Variants in TMEM43 observed in about 807,000 individuals in gnomAD.
TMEM43 encodes the protein transmembrane protein 43.
Under a neutral mutation model 49.6 loss-of-function variants are expected in TMEM43, and 45 were observed. That is an observed-to-expected ratio of 0.91 (90% CI 0.71 to 1.16). The LOEUF (loss-of-function observed/expected upper bound fraction) is 1.16, where lower values mean the gene tolerates loss of function less well. TMEM43 is among the 50% of genes most tolerant of loss of function. The pLI, the probability that TMEM43 is intolerant of heterozygous loss-of-function variation, is 0.00. For synonymous variants in TMEM43, 199 were observed against 207.8 expected, an observed-to-expected ratio of 0.96 and a Z score of 0.36; for missense variants, 532 against 516.6, an observed-to-expected ratio of 1.03 and a Z score of -0.29.
Position 14,130,824 on chromosome 3 carries a change from C to T in TMEM43, c.165C>T (p.Gly55=), listed in dbSNP as rs1435344075. ...LSFYLIFTNE[G]RALKTATSLA... Reference sequence around the variant, plus strand: ...TCCCCACTCCCCTTTGCTCCCAGGGCCGCGCATTGAAGACGGCAACCTCAT... The same window carrying T: ...TCCCCACTCCCCTTTGCTCCCAGGGTCGCGCATTGAAGACGGCAACCTCAT... The change falls in exon 3 of 12, where the codon GGC becomes GGT. Residue 55 remains glycine (G), a splice_region_variant and synonymous_variant. Transcript: ENST00000306077. The T allele has an allele frequency of 1.2e-6, 2 of 1,613,628 alleles. No individual in the cohort carries two copies. The highest frequency in any genetic ancestry group is 4.5e-5 in the East Asian group (2 of 44,892).
In TMEM43 at chr3:14,132,926, A is replaced by G. The variant is rs1242091748; in HGVS notation, c.503A>G (p.Lys168Arg). The change falls in exon 6 of 12, where the codon AAA becomes AGA. Residue 168 changes from lysine (K) to arginine (R), a missense_variant. Coordinates refer to ENST00000306077, the MANE Select transcript of TMEM43 (RefSeq NM_024334.3). ...SKNFDREIGH[K>R]NPSAMAVESF... ...AACTTCGACCGAGAGATTGGCCACA[A>G]AAACCCCAGGTGAGAGCCAGGCCCA... is the stretch of plus-strand genomic sequence containing the variant. 1.9e-6 allele frequency: 3 copies of G among 1,613,910 alleles called. No individual in the cohort carries two copies. The highest frequency in any genetic ancestry group is 2.5e-6 in the Non-Finnish European group (3 of 1,179,844).
Position 14,139,191 on chromosome 3 carries a change from T to C in TMEM43, c.894T>C (p.His298=), listed in dbSNP as rs188356526. 1.2e-6 allele frequency: 2 copies of C among 1,613,912 alleles called. No homozygotes were observed. Among genetic ancestry groups the C allele is most frequent in the African/African-American group, 1.3e-5 (1 of 75,040 alleles). The change falls in exon 11 of 12, where the codon CAT becomes CAC. Residue 298 remains histidine, a synonymous_variant. Coordinates refer to ENST00000306077, the MANE Select transcript of TMEM43 (RefSeq NM_024334.3). ...HGDFSAEEVF[H]RELRSNSMKT... Reference sequence around the variant, plus strand: ...ACCTTGTCCTGCAGGAGGTGTTTCATAGAGAACTAAGGAGCAACTCCATGA... The same window carrying C: ...ACCTTGTCCTGCAGGAGGTGTTTCACAGAGAACTAAGGAGCAACTCCATGA...
At chr3:14,134,743 G>C (rs1404991836) in intron 7 of TMEM43, 27 bp from the exon 8 acceptor site, 1 of 1,613,782 alleles carries the variant, frequency 6.2e-7, no homozygotes, top group East Asian at 2.2e-5. Context: ...TGGTCCCCTG[G>C]GTTTCTAACC....
rs1478260350 is a variant in TMEM43, at chr3:14,135,856, C to T, written c.830C>T (p.Thr277Ile). The T allele has an allele frequency of 6.2e-7, 1 of 1,614,146 alleles. No individual in the cohort carries two copies. The highest frequency in any genetic ancestry group is 8.5e-7 in the Non-Finnish European group (1 of 1,180,048). Residue 277 changes from threonine (T) to isoleucine (I), a missense_variant, in exon 10 of 12, where the codon ACC becomes ATC. By Grantham distance (89) the Thr-to-Ile change is moderately conservative. Transcript: ENST00000306077. ...QRGDQLVPFS[T>I]KSGDTLLLLH... is the part of the protein sequence containing the mutation. ...GGTGACCAGCTAGTCCCATTCTCCA[C>T]CAAGTCTGGGGATACCTTACTGCTC... is the stretch of plus-strand genomic sequence containing the variant.
intron 2 of TMEM43, among the ~76,000 whole-genome samples, chr3:14,130,582 A>G (rs1375016355): frequency 6.6e-6 from 1 of 152,192 alleles, no homozygotes; most frequent in African/African-American, 2.4e-5. Flanking sequence ...GGGCAGTGCT[A>G]AGATTGGTGG....
chr3:14,134,508 A>T lies in TMEM43; in HGVS notation c.584-262A>T, dbSNP rs143665934. On this transcript the variant is annotated intron_variant, in intron 7 of 11. Transcript: ENST00000306077. ...TTGGACGTGGATGGCCGTAACCTTG[A>T]TGGAAGGGAAAAGGGCTAAGGCCAC... 4.6e-3 allele frequency among the ~76,000 whole-genome samples: 702 copies of T among 152,282 alleles called. 9 individuals carry two copies. Among genetic ancestry groups the T allele is most frequent in the African/African-American group, 0.016 (659 of 41,560 alleles).
rs4685075 is a variant in TMEM43 at position 14,132,646 on chromosome 3, T to C, written c.442+51T>C. 699,916 of 1,602,374 alleles carry C rather than the reference T, an allele frequency of 0.44. 156,738 individuals are homozygous for C. Among genetic ancestry groups the C allele is most frequent in the East Asian group, 0.61 (27,192 of 44,772 alleles). The stretch of plus-strand genomic sequence containing the variant: ...CTCTGCCCATGGTGGGGGCCCACAG[T>C]GGTGGCTGGACAGCAGGGCTGTTGG... On this transcript the variant is annotated intron_variant, in intron 5 of 11. Transcript: ENST00000306077.
intron 2 of TMEM43, among the ~76,000 whole-genome samples, 153 bp from the exon 3 acceptor site, chr3:14,130,669 T>TCC (rs1695080866): frequency 6.6e-6 from 1 of 152,022 alleles, no homozygotes; most frequent in Non-Finnish European, 1.5e-5. Context: ...GTCCTTACTC[T>TCC]CCACTTGCTA....
intron 10 of TMEM43, 86 bp from the exon 11 acceptor site, chr3:14,139,094 T>A: frequency 1.0e-6 from 1 of 958,384 alleles, no homozygotes. Context: ...GCTCCCGAGT[T>A]GGTACAGCCC....
Position 14,131,562 on chromosome 3 carries a change from C to A in TMEM43, c.298-18C>A. 1.2e-6 allele frequency: 2 copies of A among 1,612,388 alleles called. No individual in the cohort carries two copies. On this transcript the variant is annotated intron_variant, in intron 3 of 11. Coordinates refer to ENST00000306077, the MANE Select transcript of TMEM43 (RefSeq NM_024334.3). ...ATGTTATCCTTTATTTTTTTGGTTTCTTTGATTCTGTTTGAAGCTTTTGTC... is the reference window on the plus strand; with the variant it reads ...ATGTTATCCTTTATTTTTTTGGTTTATTTGATTCTGTTTGAAGCTTTTGTC...
intron 3 of TMEM43, 128 bp downstream of exon 3, chr3:14,131,084 T>A: frequency 7.6e-6 from 9 of 1,184,454 alleles, no homozygotes; most frequent in Non-Finnish European, 1.1e-5. Context: ...ACTTTACCAC[T>A]CAGCAGCTGT....
At chr3:14,129,982 C>G (rs1016990874) in intron 2 of TMEM43, among the ~76,000 whole-genome samples, 2 of 152,074 alleles carry the variant, frequency 1.3e-5, no homozygotes, top group African/African-American at 4.8e-5. Flanking sequence ...CCATCTGTTT[C>G]TCTTCCTTTC....
At chr3:14,133,633 T>C in intron 6 of TMEM43, 106 bp from the exon 7 acceptor site, 1 of 1,032,580 alleles carries the variant, frequency 9.7e-7, no homozygotes, top group Non-Finnish European at 1.5e-6. Context: ...TAATCTGGAC[T>C]TGCAGGAACC....
At chr3:14,131,462 C>A in intron 3 of TMEM43, 118 bp from the exon 4 acceptor site, 1 of 838,312 alleles carries the variant, frequency 1.2e-6, no homozygotes, top group Non-Finnish European at 2.0e-6. Context: ...TAGGGCTCTC[C>A]ACCCTTGTCC....
At chr3:14,140,155 C>G (rs1004937504) in intron 11 of TMEM43, among the ~76,000 whole-genome samples, 1 of 152,132 alleles carries the variant, frequency 6.6e-6, no homozygotes, top group South Asian at 2.1e-4. Context: ...AAAACAGGCC[C>G]GGGAAGGGAA....
At chr3:14,133,164 C>T (rs771118236) in intron 6 of TMEM43, among the ~76,000 whole-genome samples, 6 of 152,210 alleles carry the variant, frequency 3.9e-5, no homozygotes, top group Admixed American at 6.5e-5. Context: ...AAGGCCTGCA[C>T]TAAGCGTCTA....
At chr3:14,141,503 G>A in intron 11 of TMEM43, 90 bp from the exon 12 acceptor site, 1 of 1,242,698 alleles carries the variant, frequency 8.0e-7, no homozygotes. Flanking sequence ...GTAGCAACAT[G>A]GGCCCATCCT....
At chr3:14,125,494 TC>T (rs1695006698) in intron 1 of TMEM43, among the ~76,000 whole-genome samples, 1 of 152,174 alleles carries the variant, frequency 6.6e-6, no homozygotes, top group Non-Finnish European at 1.5e-5. Flanking sequence ...TGTACGCCTC[TC>T]CGCGGCCCCT....
At chr3:14,130,660 T>G (rs1695080690) in intron 2 of TMEM43, among the ~76,000 whole-genome samples, 162 bp from the exon 3 acceptor site, 1 of 151,976 alleles carries the variant, frequency 6.6e-6, no homozygotes, top group South Asian at 2.1e-4. Context: ...TGGGTTCCAG[T>G]CCTTACTCTC....
Sources: gnomAD v4.1 joint callset for allele counts (sites outside exome capture counted in the v4.1 genomes callset) on GRCh38, gnomAD v4.1.1 for gene constraint, MANE v1.5 for transcripts, NCBI Gene and HGNC (gene_info 2026-07-23, HGNC 2026-07-21) for gene names.